Variants in RFC3 observed in about 807,000 individuals in gnomAD.
RFC3 encodes replication factor C subunit 3, also known as A1 38 kDa subunit.
In RFC3, 41 loss-of-function variants were observed where a neutral mutation model predicts 45.1. The observed-to-expected ratio is 0.91, with a 90% confidence interval of 0.71 to 1.18. The LOEUF (loss-of-function observed/expected upper bound fraction) is 1.18, where lower values mean the gene tolerates loss of function less well. Among genes scored for constraint, RFC3 ranks in the 50% most tolerant of loss-of-function variants. RFC3 has a pLI of 0.00. For missense variants in RFC3, 423 were observed against 428.1 expected, an observed-to-expected ratio of 0.99 and a Z score of 0.10; for synonymous variants, 149 against 144.0, an observed-to-expected ratio of 1.03 and a Z score of -0.25.
Position 33,925,537 on chromosome 13 carries a change from TAGTGTACTATATACATACATAC to T in RFC3, c.880-40548_880-40527del, listed in dbSNP as rs2082804362. Among the ~76,000 whole-genome samples the T allele has an allele frequency of 2.0e-5, 3 of 147,234 alleles. 1 individual carries two copies. Among genetic ancestry groups the T allele is most frequent in the African/African-American group, 5.0e-5 (2 of 40,208 alleles). ...ATAGTGTACTATATACATACATACA[TAGTGTACTATATACATACATAC>T]ATAGTGTACTATATACATACATATA... On this transcript the variant is annotated intron_variant, in intron 8 of 8. Coordinates refer to the RFC3 transcript ENST00000434425.
chr13:33,860,784 A>T (rs1232423007), intron 8 of RFC3, among the ~76,000 whole-genome samples: 1 of 152,170 alleles, frequency 6.6e-6, no homozygotes, highest in South Asian at 2.1e-4. Context: ...GTCCCTTTAA[A>T]TAACTTCCTC....
At chr13:33,934,599 A>G (rs750401824) in intron 8 of RFC3, among the ~76,000 whole-genome samples, 7 of 152,048 alleles carry the variant, frequency 4.6e-5, no homozygotes, top group Non-Finnish European at 7.4e-5. Context: ...CCAGATTCCC[A>G]GTTGCTTATT....
At chr13:33,926,698 T>C (rs2082816002) in intron 8 of RFC3, among the ~76,000 whole-genome samples, 4 of 151,624 alleles carry the variant, frequency 2.6e-5, no homozygotes, top group Non-Finnish European at 4.4e-5. Flanking sequence ...ATAGTCACCA[T>C]ATGAAAGAAA....
intron 8 of RFC3, among the ~76,000 whole-genome samples, chr13:33,888,484 C>G (rs2082541477): frequency 6.6e-6 from 1 of 152,104 alleles, no homozygotes; most frequent in Non-Finnish European, 1.5e-5. Context: ...GACTATTTCT[C>G]AAGTGCGGAA....
the RFC3 span, among the ~76,000 whole-genome samples, chr13:33,973,167 TAC>T: frequency 6.6e-6 from 1 of 151,588 alleles, no homozygotes; most frequent in Admixed American, 6.6e-5. Context: ...TATATATATA[TAC>T]ATAAGTAATA....
chr13:33,835,114 C>G (rs1805375), intron 7 of RFC3, 34 bp from the exon 8 acceptor site: 113,222 of 1,424,012 alleles, frequency 0.08, 6,614 homozygotes, highest in African/African-American at 0.21. Flanking sequence ...CTCTTATTTT[C>G]TTCACAAAAT....
intron 8 of RFC3, among the ~76,000 whole-genome samples, chr13:33,920,788 G>A (rs979163227): frequency 1.1e-4 from 17 of 151,964 alleles, no homozygotes; most frequent in African/African-American, 3.4e-4. Context: ...TCATTACACC[G>A]GTACAGAATC....
intron 8 of RFC3, among the ~76,000 whole-genome samples, chr13:33,964,375 G>T (rs1485964130): frequency 6.6e-6 from 1 of 152,122 alleles, no homozygotes. Flanking sequence ...GAGCCAGATG[G>T]GTGTGGATTC....
Position 33,830,766 on chromosome 13 carries a change from TC to T in RFC3, c.623del (p.Pro208LeufsTer48), listed in dbSNP as rs1593615093. The T allele has an allele frequency of 6.2e-7, 1 of 1,613,502 alleles. No individual in the cohort carries two copies. The highest frequency in any genetic ancestry group is 8.5e-7 in the Non-Finnish European group (1 of 1,179,490). On this transcript the variant is annotated frameshift_variant, in exon 6 of 9. Coordinates refer to ENST00000380071, the MANE Select transcript of RFC3 (RefSeq NM_002915.4). LOFTEE classifies it high-confidence loss of function. ...TVCKKEGLNL[P>X]SQLAHRLAEK... ...TGTGTAAGAAGGAAGGTCTGAATCT[TC>T]CTTCACAACTGGCTCATAGACTTGC...
At chr13:33,933,689 TC>T (rs2082867183) in intron 8 of RFC3, among the ~76,000 whole-genome samples, 1 of 151,926 alleles carries the variant, frequency 6.6e-6, no homozygotes. Context: ...AAACTTTTTT[TC>T]CCCTCTCCTA....
intron 8 of RFC3, among the ~76,000 whole-genome samples, chr13:33,911,586 T>A (rs1347624835): frequency 6.6e-6 from 1 of 152,062 alleles, no homozygotes; most frequent in African/African-American, 2.4e-5. Context: ...CCTGATCAGC[T>A]TTCGGTGAGG....
chr13:33,904,641 C>G (rs529436016), intron 8 of RFC3, among the ~76,000 whole-genome samples: 4 of 152,044 alleles, frequency 2.6e-5, no homozygotes, highest in Non-Finnish European at 4.4e-5. Context: ...GCTCTGAAAG[C>G]GTCAGGATAG....
In RFC3 at chr13:33,859,548, A is replaced by G. The variant is rs143198385; in HGVS notation, c.879+24331A>G. 7.9e-5 allele frequency among the ~76,000 whole-genome samples: 12 copies of G among 152,342 alleles called. No homozygotes were observed. In the East Asian group the frequency reaches 2.3e-3, roughly 29 times the overall value. ...GTTTAGAAGTATACTCAGAAAAGTC[A>G]TGAGGAAAAGGAGCATAATTTTAGC... On this transcript the variant is annotated intron_variant, in intron 8 of 8. Transcript: ENST00000434425.
intron 7 of RFC3, among the ~76,000 whole-genome samples, chr13:33,832,158 A>G (rs999963508): frequency 7.2e-5 from 11 of 152,200 alleles, no homozygotes; most frequent in African/African-American, 2.7e-4. Context: ...AAAAAATGAC[A>G]ATGTTAAGGC....
At chr13:33,916,030 C>G (rs1183933337) in intron 8 of RFC3, among the ~76,000 whole-genome samples, 1 of 152,108 alleles carries the variant, frequency 6.6e-6, no homozygotes. Context: ...AACTCTTGAC[C>G]TCAGGTGATC....
At chr13:33,973,118 A>C in the RFC3 span, among the ~76,000 whole-genome samples, 13 of 152,190 alleles carry the variant, frequency 8.5e-5, no homozygotes, top group Non-Finnish European at 1.6e-4. Flanking sequence ...GAGCAAAGAC[A>C]ACACATATCA....
intron 8 of RFC3, among the ~76,000 whole-genome samples, chr13:33,919,581 TTTTTA>T (rs1566028380): frequency 2.6e-5 from 4 of 152,164 alleles, no homozygotes. Flanking sequence ...TTGGCTTGTT[TTTTTA>T]TTTTATTTTC....
chr13:33,823,867 G>T, intron 2 of RFC3, 50 bp from the exon 3 acceptor site: 1 of 921,418 alleles, frequency 1.1e-6, no homozygotes, highest in Admixed American at 2.4e-5. Flanking sequence ...AAAAGAGTGG[G>T]GAAATAGGCA....
chr13:33,825,728 A>G, intron 3 of RFC3, 61 bp from the exon 4 acceptor site: 1 of 915,290 alleles, frequency 1.1e-6, no homozygotes, highest in Admixed American at 2.9e-5. Flanking sequence ...GAACTTCACC[A>G]TTTTTCTTAT....
Sources: allele counts gnomAD v4.1 joint callset (sites outside exome capture counted in the v4.1 genomes callset), GRCh38; gene constraint gnomAD v4.1.1; transcripts MANE v1.5; gene names NCBI Gene and HGNC (gene_info 2026-07-23, HGNC 2026-07-21).